The following CAPN9 variants were observed in gnomAD, a reference collection of about 807,000 sequenced individuals.
CAPN9 encodes calpain-9.
CAPN9 carries 81 observed loss-of-function variants against 92.8 expected under a neutral mutation model. That is an observed-to-expected ratio of 0.87 (90% CI 0.73 to 1.05). CAPN9 has a LOEUF of 1.05. Among genes scored for constraint, CAPN9 ranks in the 50% least tolerant of loss-of-function variants. CAPN9 has a pLI of 0.00. For synonymous variants in CAPN9, 304 were observed against 328.0 expected, an observed-to-expected ratio of 0.93 and a Z score of 0.79; for missense variants, 848 against 866.2, an observed-to-expected ratio of 0.98 and a Z score of 0.26.
intron 3 of CAPN9, among the ~76,000 whole-genome samples, chr1:230,760,286 C>T (rs917673181): frequency 6.6e-6 from 1 of 152,186 alleles, no homozygotes; most frequent in African/African-American, 2.4e-5. Flanking sequence ...TTCTTAGTGA[C>T]ATTAAACCTT....
At chr1:230,785,956 G>A in intron 11 of CAPN9, 25 bp from the exon 12 acceptor site, 1 of 1,611,504 alleles carries the variant, frequency 6.2e-7, no homozygotes. Flanking sequence ...CACAATTGAG[G>A]CAGTGTGTTT....
intron 1 of CAPN9, among the ~76,000 whole-genome samples, chr1:230,752,013 G>T (rs1337855382): frequency 2.0e-5 from 3 of 152,050 alleles, no homozygotes; most frequent in Non-Finnish European, 4.4e-5. Flanking sequence ...CTTCCTCATG[G>T]CCTCCCAAGC....
At chr1:230,796,696 C>T (rs4477283) in intron 18 of CAPN9, among the ~76,000 whole-genome samples, 42,668 of 152,006 alleles carry the variant, frequency 0.28, 6,882 homozygotes, top group South Asian at 0.44. Context: ...AAACAGAATC[C>T]GTTATTAGAC....
chr1:230,792,400 T>C (rs1347839346), intron 15 of CAPN9, 26 bp from the exon 16 acceptor site: 1 of 1,606,804 alleles, frequency 6.2e-7, no homozygotes, highest in Non-Finnish European at 8.5e-7. Flanking sequence ...ACACTGCTCA[T>C]GTCTCCCTTA....
At chr1:230,779,547 A>G (rs1486060844) in intron 9 of CAPN9, among the ~76,000 whole-genome samples, 1 of 152,088 alleles carries the variant, frequency 6.6e-6, no homozygotes, top group Non-Finnish European at 1.5e-5. Context: ...TAATCACAGG[A>G]GGGCTGGCAG....
chr1:230,779,595 C>G (rs147823451), intron 9 of CAPN9, among the ~76,000 whole-genome samples: 2 of 152,262 alleles, frequency 1.3e-5, no homozygotes, highest in African/African-American at 2.4e-5. Flanking sequence ...TTCACACGAA[C>G]AGCAAGAGCT....
intron 6 of CAPN9, 109 bp from the exon 7 acceptor site, chr1:230,771,905 A>G (rs1219427033): frequency 1.1e-6 from 1 of 873,986 alleles, no homozygotes; most frequent in African/African-American, 1.7e-5. Flanking sequence ...GAGACTTTCA[A>G]CAGAACCAGT....
At chr1:230,771,951 G>C in intron 6 of CAPN9, 63 bp from the exon 7 acceptor site, 1 of 1,353,614 alleles carries the variant, frequency 7.4e-7, no homozygotes, top group Non-Finnish European at 1.1e-6. Context: ...GCTCATAGAT[G>C]AATGTGGCCA....
At chr1:230,778,086 G>A (rs186455782) in intron 8 of CAPN9, among the ~76,000 whole-genome samples, 1 of 152,004 alleles carries the variant, frequency 6.6e-6, no homozygotes, top group Admixed American at 6.5e-5. Context: ...ACATTCACGT[G>A]CCCAAACCTG....
intron 16 of CAPN9, among the ~76,000 whole-genome samples, 158 bp downstream of exon 16, chr1:230,792,652 G>A (rs143103314): frequency 3.3e-4 from 51 of 152,312 alleles, no homozygotes; most frequent in Admixed American, 1.2e-3. Context: ...CGATGCTTAC[G>A]GGAGTACCAC....
At chr1:230,790,104 TAACA>T (rs768177910) in intron 13 of CAPN9, 24 bp from the exon 14 acceptor site, 3 of 1,585,722 alleles carry the variant, frequency 1.9e-6, no homozygotes, top group Non-Finnish European at 1.7e-6. Flanking sequence ...CCAAGGGCTA[TAACA>T]AACAATTGTC....
At position 230,755,422 on chromosome 1, in the gene CAPN9, T is replaced by C; in HGVS notation, c.283+16T>C. 6.3e-7 allele frequency: 1 copy of C among 1,593,060 alleles called. No individual in the cohort carries two copies. Among genetic ancestry groups the C allele is most frequent in the Non-Finnish European group, 8.6e-7 (1 of 1,168,974 alleles). Reference sequence around the variant, plus strand: ...GGAGAGCTGGGTGAGTGTAAGTGGATGGAGCATGGCGAGAGGGAGGTTGAG... The same window carrying C: ...GGAGAGCTGGGTGAGTGTAAGTGGACGGAGCATGGCGAGAGGGAGGTTGAG... On this transcript the variant is annotated intron_variant, in intron 2 of 19. Coordinates refer to ENST00000271971, the MANE Select transcript of CAPN9 (RefSeq NM_006615.3).
At chr1:230,788,490 GGTGCTAATGACTCTATTA>G (rs1375622114) in intron 13 of CAPN9, among the ~76,000 whole-genome samples, 1 of 152,174 alleles carries the variant, frequency 6.6e-6, no homozygotes, top group Non-Finnish European at 1.5e-5. Context: ...TTCATGTCAA[GGTGCTAATGACTCTATTA>G]GCTTCATGTG....
chr1:230,757,669 C>T (rs1282805266), intron 2 of CAPN9, among the ~76,000 whole-genome samples: 2 of 147,540 alleles, frequency 1.4e-5, no homozygotes, highest in Non-Finnish European at 3.0e-5. Context: ...ATCTCTTGAG[C>T]CCAGGAGTTT....
intron 1 of CAPN9, among the ~76,000 whole-genome samples, chr1:230,754,512 A>T (rs1242440591): frequency 6.6e-6 from 1 of 151,870 alleles, no homozygotes; most frequent in African/African-American, 2.4e-5. Context: ...CATCTCTGTA[A>T]AAAGAAACAC....
intron 1 of CAPN9, among the ~76,000 whole-genome samples, chr1:230,750,324 G>A (rs74144823): frequency 1.5e-3 from 234 of 152,244 alleles, no homozygotes; most frequent in African/African-American, 4.8e-3. Flanking sequence ...TGTTGCTGTC[G>A]TTCCCACAGA....
At chr1:230,794,587 C>A (rs28359724) in intron 17 of CAPN9, among the ~76,000 whole-genome samples, 1 of 152,208 alleles carries the variant, frequency 6.6e-6, no homozygotes, top group Non-Finnish European at 1.5e-5. Context: ...CCATATGCCA[C>A]GGCTGGAGCA....
chr1:230,755,374 C>A lies in CAPN9; in HGVS notation c.251C>A (p.Ala84Asp). The A allele has an allele frequency of 6.2e-7, 1 of 1,609,140 alleles. No individual in the cohort carries two copies. The highest frequency in any genetic ancestry group is 8.5e-7 in the Non-Finnish European group (1 of 1,177,934). ...AACCCAGAATTCATTCTTGGAGGGG[C>A]CACCAGGACTGATATCTGCCAGGGA... ...VKNPEFILGG[A>D]TRTDICQGEL... The change falls in exon 2 of 20, where the codon GCC becomes GAC. Residue 84 changes from alanine to aspartate, a missense_variant. Physicochemically the swap from Ala to Asp is moderately radical, Grantham distance 126 (BLOSUM62 -2). Transcript: ENST00000271971.
In CAPN9 at chr1:230,774,619, A is replaced by T. The variant is rs748009160; in HGVS notation, c.941A>T (p.Asp314Val). The T allele has an allele frequency of 7.4e-6, 12 of 1,612,738 alleles. No individual in the cohort carries two copies. Among genetic ancestry groups the T allele is most frequent in the Non-Finnish European group, 1.0e-5 (12 of 1,179,062 alleles). Reference protein sequence around the residue: ...QKRLCHTALDDGEFWMAFKDF... With the variant: ...QKRLCHTALDVGEFWMAFKDF... ...CGTCTGTGTCACACTGCTCTGGATG[A>T]TGGGGAATTCTGGTACCGTGCTTGT... Residue 314 changes from aspartate (D) to valine (V), a missense_variant, in exon 8 of 20, where the codon GAT becomes GTT. Asp to Val is a radical substitution (Grantham distance 152). Coordinates refer to ENST00000271971, the MANE Select transcript of CAPN9 (RefSeq NM_006615.3).
Sources: allele counts gnomAD v4.1 joint callset (sites outside exome capture counted in the v4.1 genomes callset), GRCh38; gene constraint gnomAD v4.1.1; transcripts MANE v1.5; gene names NCBI Gene and HGNC (gene_info 2026-07-23, HGNC 2026-07-21).